Variants in TAFA5 observed in about 807,000 individuals in gnomAD.
The protein encoded by TAFA5 is TAFA chemokine like family member 5.
TAFA5 carries 6 observed loss-of-function variants against 15.3 expected under a neutral mutation model. The ratio of observed to expected loss-of-function variants is 0.39; its 90% CI spans 0.21 to 0.77. The LOEUF is 0.77. TAFA5 is among the 30% of genes least tolerant of loss of function. TAFA5 has a pLI of 0.41. For synonymous variants in TAFA5, 103 were observed against 80.7 expected (o/e 1.28, Z -1.48); for missense variants, 161 against 193.1 (o/e 0.83, Z 0.98).
At chr22:48,521,635 G>C (rs1921602639) in intron 1 of TAFA5, among the ~76,000 whole-genome samples, 1 of 152,178 alleles carries the variant, frequency 6.6e-6, no homozygotes, top group Admixed American at 6.5e-5. Flanking sequence ...GTTTCGGGGA[G>C]CCATCCCAGC....
intron 1 of TAFA5, among the ~76,000 whole-genome samples, chr22:48,495,520 C>G (rs1292847711): frequency 1.3e-5 from 2 of 152,178 alleles, no homozygotes; most frequent in Admixed American, 1.3e-4. Context: ...AGCCCAAGAT[C>G]TAGCTCTGGA....
At chr22:48,656,886 C>T (rs758202557) in intron 2 of TAFA5, among the ~76,000 whole-genome samples, 37 of 151,688 alleles carry the variant, frequency 2.4e-4, no homozygotes, top group Middle Eastern at 3.4e-3. Context: ...TTGCCTCAGC[C>T]TCCCAAATAG....
intron 3 of TAFA5, among the ~76,000 whole-genome samples, chr22:48,726,089 C>T (rs1929707099): frequency 6.6e-6 from 1 of 152,180 alleles, no homozygotes; most frequent in African/African-American, 2.4e-5. Context: ...CAAGCTGTCC[C>T]CTGAACTCAG....
intron 2 of TAFA5, among the ~76,000 whole-genome samples, chr22:48,681,449 C>T (rs1928181329): frequency 6.7e-6 from 1 of 150,084 alleles, no homozygotes; most frequent in Non-Finnish European, 1.5e-5. Context: ...TCAGGACCAG[C>T]CTGGGGAACA....
chr22:48,594,836 G>A (rs887398142), intron 1 of TAFA5, among the ~76,000 whole-genome samples: 4 of 152,208 alleles, frequency 2.6e-5, no homozygotes, highest in Admixed American at 6.5e-5. Context: ...TCTCAGCCCC[G>A]GAGGCAAGTG....
chr22:48,577,434 G>A (rs528879705), intron 1 of TAFA5, among the ~76,000 whole-genome samples: 6 of 152,174 alleles, frequency 3.9e-5, no homozygotes, highest in Non-Finnish European at 7.3e-5. Context: ...CAACTGAGGC[G>A]TTGGCCTCCC....
chr22:48,674,535 C>T (rs1264764785), intron 2 of TAFA5, among the ~76,000 whole-genome samples: 16 of 152,184 alleles, frequency 1.1e-4, no homozygotes, highest in Admixed American at 6.5e-5. Flanking sequence ...GATTGAATCG[C>T]GTCATTTGCA....
intron 1 of TAFA5, among the ~76,000 whole-genome samples, chr22:48,604,804 G>C (rs1040978141): frequency 2.6e-5 from 4 of 152,180 alleles, no homozygotes; most frequent in African/African-American, 9.7e-5. Context: ...GCCTCTCTAA[G>C]GGTATGAGAG....
At chr22:48,741,369 C>G (rs1332892843) in intron 3 of TAFA5, among the ~76,000 whole-genome samples, 1 of 152,206 alleles carries the variant, frequency 6.6e-6, no homozygotes, top group East Asian at 1.9e-4. Context: ...CGGCATGTTC[C>G]CCAGCACCTC....
chr22:48,702,229 G>C (rs367853658), intron 2 of TAFA5, among the ~76,000 whole-genome samples: 1 of 152,134 alleles, frequency 6.6e-6, no homozygotes, highest in African/African-American at 2.4e-5. Flanking sequence ...ATATATGTAC[G>C]TGATGGAGAG....
intron 2 of TAFA5, among the ~76,000 whole-genome samples, chr22:48,662,731 G>GT (rs1927488409): frequency 6.6e-6 from 1 of 152,244 alleles, no homozygotes; most frequent in South Asian, 2.1e-4. Flanking sequence ...CTGCTTGGGT[G>GT]TGGGAGTGTT....
intron 1 of TAFA5, among the ~76,000 whole-genome samples, chr22:48,569,963 C>T (rs1923529271): frequency 6.6e-6 from 1 of 152,268 alleles, no homozygotes; most frequent in South Asian, 2.1e-4. Flanking sequence ...TGCCCCCGCA[C>T]ACATAGCCGC....
At chr22:48,534,414 C>G (rs992290143) in intron 1 of TAFA5, among the ~76,000 whole-genome samples, 7 of 152,042 alleles carry the variant, frequency 4.6e-5, no homozygotes, top group African/African-American at 1.7e-4. Flanking sequence ...AGGACTCCCA[C>G]GGGGGTAACC....
rs1921921525 is a variant in TAFA5, at chr22:48,530,049, C to A, written c.112+40345C>A. Among the ~76,000 whole-genome samples, 1 of 152,020 alleles carries A rather than the reference C, an allele frequency of 6.6e-6. No individual in the cohort carries two copies. The highest frequency in any genetic ancestry group is 1.5e-5 in the Non-Finnish European group (1 of 67,984). Reference sequence around the variant, plus strand: ...GGACTGAGCTTGTGGCTGCAGAGGCCGTGGGCCCTCTGCTTTGTGGGGCTG... The same window carrying A: ...GGACTGAGCTTGTGGCTGCAGAGGCAGTGGGCCCTCTGCTTTGTGGGGCTG... On this transcript the variant is annotated intron_variant, in intron 1 of 3. Transcript: ENST00000402357. The surrounding 1 kb of genome is among the most constrained non-coding windows in gnomAD (Gnocchi z 6.0).
chr22:48,512,643 G>A (rs1165081422), intron 1 of TAFA5, among the ~76,000 whole-genome samples: 5 of 150,954 alleles, frequency 3.3e-5, no homozygotes, highest in East Asian at 4.0e-4. Flanking sequence ...AGAGACGGCC[G>A]GGCGCGGTGG....
intron 1 of TAFA5, among the ~76,000 whole-genome samples, chr22:48,620,001 G>A (rs1226040258): frequency 6.6e-6 from 1 of 152,244 alleles, no homozygotes; most frequent in East Asian, 1.9e-4. Context: ...CTGTGTCTTA[G>A]TGAAATGCCA....
At chr22:48,666,232 C>T (rs1048431222) in intron 2 of TAFA5, among the ~76,000 whole-genome samples, 1 of 152,150 alleles carries the variant, frequency 6.6e-6, no homozygotes, top group Non-Finnish European at 1.5e-5. Flanking sequence ...ATGTCTTCCC[C>T]TCTGCACTCA....
At chr22:48,644,305 C>T (rs914112719) in intron 1 of TAFA5, among the ~76,000 whole-genome samples, 3 of 152,156 alleles carry the variant, frequency 2.0e-5, no homozygotes, top group Admixed American at 2.0e-4. Flanking sequence ...AGGGGAGGCC[C>T]CTGCTGCCCC....
intron 1 of TAFA5, among the ~76,000 whole-genome samples, chr22:48,494,761 G>A (rs1248626033): frequency 1.3e-5 from 2 of 152,206 alleles, no homozygotes; most frequent in South Asian, 2.1e-4. Context: ...TAAGACTCAC[G>A]GCAGCAGCAC....
Sources: gnomAD v4.1 joint callset for allele counts (sites outside exome capture counted in the v4.1 genomes callset) on GRCh38, gnomAD v4.1.1 for gene constraint, Gnocchi (gnomAD v3.1) non-coding constraint, MANE v1.5 for transcripts, NCBI Gene and HGNC (gene_info 2026-07-23, HGNC 2026-07-21) for gene names.